PATJ: variants seen among roughly 807,000 people sequenced by gnomAD.
The protein encoded by PATJ is inaD-like protein.
In PATJ, 190 loss-of-function variants were observed where a neutral mutation model predicts 224.9. The observed-to-expected ratio is 0.84, with a 90% CI of 0.75 to 0.95. The LOEUF is 0.95. Among genes scored for constraint, PATJ ranks in the 40% least tolerant of loss-of-function variants. PATJ has a pLI of 0.00. For missense variants in PATJ, 2,121 were observed against 2,270.3 expected (o/e 0.93, Z 1.34); for synonymous variants, 769 against 820.3 (o/e 0.94, Z 1.07).
intron 17 of PATJ, among the ~76,000 whole-genome samples, chr1:61,841,529 A>G (rs1269240425): frequency 6.6e-6 from 1 of 152,082 alleles, no homozygotes; most frequent in Admixed American, 6.6e-5. Context: ...AAGTTATTAT[A>G]CAGTTTCACA....
chr1:62,049,243 T>TCACACACACA (rs60099928), intron 30 of PATJ, among the ~76,000 whole-genome samples: 3,828 of 137,210 alleles, frequency 0.028, 86 homozygotes, highest in Middle Eastern at 0.053. Context: ...AAGTAAGCAA[T>TCACACACACA]CACACACACA....
At chr1:61,791,224 A>G in intron 8 of PATJ, 124 bp from the exon 9 acceptor site, 1 of 556,734 alleles carries the variant, frequency 1.8e-6, no homozygotes, top group Non-Finnish European at 3.2e-6. Flanking sequence ...AGGTCATGGG[A>G]CCATCTTAAA....
intron 30 of PATJ, among the ~76,000 whole-genome samples, chr1:62,050,120 C>CAAAAA (rs35986021): frequency 7.4e-5 from 7 of 95,208 alleles, no homozygotes; most frequent in Admixed American, 1.2e-4. Context: ...TCTGCCCCAC[C>CAAAAA]AAAAAAAAAA....
chr1:62,043,727 G>GGC (rs1553251834), intron 30 of PATJ, among the ~76,000 whole-genome samples: 1 of 67,322 alleles, frequency 1.5e-5, no homozygotes, highest in Admixed American at 1.8e-4. Context: ...GTTTTGGTTT[G>GGC]GGGGGGGCAG....
At chr1:61,789,481 T>G (rs1649312222) in intron 8 of PATJ, among the ~76,000 whole-genome samples, 2 of 152,074 alleles carry the variant, frequency 1.3e-5, no homozygotes, top group Non-Finnish European at 2.9e-5. Context: ...TGGAACAGTA[T>G]GAGTGGAAGT....
chr1:61,959,343 AT>A (rs1318672156), intron 27 of PATJ, among the ~76,000 whole-genome samples: 1 of 150,374 alleles, frequency 6.7e-6, no homozygotes, highest in African/African-American at 2.4e-5. Context: ...AAATAGATAA[AT>A]TTTTGAATGT....
intron 37 of PATJ, chr1:62,117,485 ATGTACACAGC>A: frequency 9.1e-7 from 1 of 1,095,848 alleles, no homozygotes; most frequent in Non-Finnish European, 1.2e-6. Flanking sequence ...CTATGCACGC[ATGTACACAGC>A]TGTGTTTATT....
In PATJ at chr1:62,083,750, T is replaced by G. The variant is rs545283342; in HGVS notation, c.4244-765T>G. On this transcript the variant is annotated intron_variant, in intron 32 of 43. Transcript: ENST00000642238. ...TTATTTTCAGGTATTTCATACTTTA[T>G]TGATTAAATTCTTTATACATCTTAA... is the stretch of plus-strand genomic sequence containing the variant. Among the ~76,000 whole-genome samples, 72 of 152,344 alleles carry G rather than the reference T, an allele frequency of 4.7e-4. No homozygotes were observed. In the South Asian group the frequency reaches 8.3e-3, roughly 18 times the overall value.
intron 31 of PATJ, among the ~76,000 whole-genome samples, chr1:62,068,541 T>A (rs1015178309): frequency 3.9e-5 from 6 of 152,200 alleles, no homozygotes; most frequent in Non-Finnish European, 8.8e-5. Flanking sequence ...TTGGGTCTAC[T>A]TTGGAAAATC....
chr1:61,814,547 T>TGTGTGTGTGCGCGCGCGCGC (rs370488022), intron 14 of PATJ, among the ~76,000 whole-genome samples: 3 of 142,492 alleles, frequency 2.1e-5, no homozygotes, highest in African/African-American at 8.1e-5. Context: ...TGTGTGTGTG[T>TGTGTGTGTGCGCGCGCGCGC]GCGCGCGCGC....
At chr1:62,134,330 C>CTTTT (rs779235130) in intron 41 of PATJ, among the ~76,000 whole-genome samples, 8 of 96,494 alleles carry the variant, frequency 8.3e-5, no homozygotes, top group East Asian at 3.3e-4. Flanking sequence ...CCAGCCCTCT[C>CTTTT]TTTTTTTTTT....
intron 17 of PATJ, among the ~76,000 whole-genome samples, chr1:61,849,018 C>T (rs887415161): frequency 1.3e-5 from 2 of 152,194 alleles, no homozygotes; most frequent in African/African-American, 2.4e-5. Flanking sequence ...ATCTTTGAAA[C>T]ATACTTTCTC....
Position 62,090,219 on chromosome 1 carries a change from A to C in PATJ, c.4377+5571A>C, listed in dbSNP as rs188198788. Among the ~76,000 whole-genome samples the C allele has an allele frequency of 1.6e-4, 24 of 152,294 alleles. No homozygotes were observed. The East Asian group carries it at 4.6e-3, about 29-fold the overall frequency. Reference sequence around the variant, plus strand: ...AAGGTTTACAAGCACACCTGGACCCAATCCTCAATGACAGACTTCTGCCTG... The same window carrying C: ...AAGGTTTACAAGCACACCTGGACCCCATCCTCAATGACAGACTTCTGCCTG... On this transcript the variant is annotated intron_variant, in intron 33 of 43. Coordinates refer to ENST00000642238, the MANE Select transcript of PATJ (RefSeq NM_001350145.3).
At chr1:61,880,070 C>T (rs566809279) in intron 21 of PATJ, among the ~76,000 whole-genome samples, 3 of 152,192 alleles carry the variant, frequency 2.0e-5, no homozygotes, top group South Asian at 4.1e-4. Flanking sequence ...GTGATCCACC[C>T]GCCTCAGCCT....
intron 27 of PATJ, among the ~76,000 whole-genome samples, chr1:61,943,073 A>C (rs902210924): frequency 8.5e-5 from 13 of 152,220 alleles, no homozygotes; most frequent in African/African-American, 3.1e-4. Flanking sequence ...AATACTATTC[A>C]GCAATGAAAA....
At chr1:61,932,718 G>A (rs1676218761) in intron 27 of PATJ, among the ~76,000 whole-genome samples, 1 of 152,170 alleles carries the variant, frequency 6.6e-6, no homozygotes, top group Non-Finnish European at 1.5e-5. Flanking sequence ...TGGCCAACAT[G>A]GTGAAACCCC....
rs115588257 is a variant in PATJ at position 62,156,404 on chromosome 1, C to T, written c.5502+2923C>T. Among the ~76,000 whole-genome samples, 228 of 151,840 alleles carry T rather than the reference C, an allele frequency of 1.5e-3. 2 individuals carry two copies. The highest frequency in any genetic ancestry group is 2.5e-3 in the Non-Finnish European group (170 of 67,952). ...AATTAGCCATTCGTAATGACAGGCA[C>T]CTGTAATCCCAGCTACTCGGGAGGC... On this transcript the variant is annotated intron_variant, in intron 43 of 43. Transcript: ENST00000642238.
intron 1 of PATJ, among the ~76,000 whole-genome samples, chr1:61,755,308 CAAA>C (rs570167460): frequency 3.7e-5 from 3 of 81,382 alleles, no homozygotes; most frequent in Admixed American, 1.4e-4. Flanking sequence ...GACTCTGTCT[CAAA>C]AAAAAAAAAA....
chr1:61,857,899 C>A (rs896502880), intron 18 of PATJ, among the ~76,000 whole-genome samples: 4 of 151,966 alleles, frequency 2.6e-5, no homozygotes, highest in Non-Finnish European at 5.9e-5. Flanking sequence ...TAGAGAATTC[C>A]GAAGGTATTT....
Sources: allele counts gnomAD v4.1 joint callset (sites outside exome capture counted in the v4.1 genomes callset), GRCh38; gene constraint gnomAD v4.1.1; transcripts MANE v1.5; gene names NCBI Gene and HGNC (gene_info 2026-07-23, HGNC 2026-07-21).